Variants in KIAA1328 observed in about 807,000 individuals in gnomAD.
KIAA1328 encodes the protein protein hinderin.
A neutral mutation model predicts 68.1 loss-of-function variants in KIAA1328; 52 were observed. The ratio of observed to expected loss-of-function variants is 0.76; its 90% CI spans 0.61 to 0.96. The LOEUF is 0.96. KIAA1328 is among the 40% of genes least tolerant of loss of function. The pLI is 0.00. For synonymous variants in KIAA1328, 232 were observed against 239.4 expected, an observed-to-expected ratio of 0.97 and a Z score of 0.28; for missense variants, 641 against 677.6, an observed-to-expected ratio of 0.95 and a Z score of 0.60.
chr18:37,159,158 T>A (rs902912999), intron 7 of KIAA1328, among the ~76,000 whole-genome samples: 1 of 152,232 alleles, frequency 6.6e-6, no homozygotes, highest in African/African-American at 2.4e-5. Flanking sequence ...TAAAGCCATT[T>A]ACTTTCTTGG....
At chr18:37,027,243 T>C (rs535702416) in intron 6 of KIAA1328, among the ~76,000 whole-genome samples, 1 of 152,182 alleles carries the variant, frequency 6.6e-6, no homozygotes, top group East Asian at 1.9e-4. Flanking sequence ...GGAAGAACAT[T>C]CCATGCTCAT....
intron 5 of KIAA1328, among the ~76,000 whole-genome samples, chr18:36,922,769 AC>A (rs1357938034): frequency 6.6e-6 from 1 of 152,194 alleles, no homozygotes; most frequent in Non-Finnish European, 1.5e-5. Flanking sequence ...AATGGGGAAC[AC>A]AAGTGTTGAG....
At chr18:37,074,394 A>G (rs2056639577) in intron 7 of KIAA1328, among the ~76,000 whole-genome samples, 1 of 152,196 alleles carries the variant, frequency 6.6e-6, no homozygotes, top group Non-Finnish European at 1.5e-5. Context: ...GGTAGACAGA[A>G]GTGCAGCTAT....
At chr18:36,969,363 A>C (rs1331609033) in intron 6 of KIAA1328, among the ~76,000 whole-genome samples, 1 of 152,156 alleles carries the variant, frequency 6.6e-6, no homozygotes, top group Admixed American at 6.5e-5. Context: ...TCTTTTGAAA[A>C]AAATTAATAA....
chr18:36,830,062 A>G (rs928243008), intron 1 of KIAA1328, among the ~76,000 whole-genome samples: 1 of 152,256 alleles, frequency 6.6e-6, no homozygotes, highest in African/African-American at 2.4e-5. Context: ...GAGTGCTTGC[A>G]GAGGCAGCTC....
At position 37,148,221 on chromosome 18, in the gene KIAA1328, A is replaced by G. The variant is rs545706226; in HGVS notation, c.1233-11979A>G. Among the ~76,000 whole-genome samples the G allele has an allele frequency of 1.4e-4, 21 of 152,278 alleles. No individual in the cohort carries two copies. The South Asian group carries it at 2.1e-3, about 15-fold the overall frequency. ...TCAGCTCCCACTTATAAGTGAGAAC[A>G]TGCGGTATTTGGCTTTCTGTTCCTG... is the stretch of plus-strand genomic sequence containing the variant. On this transcript the variant is annotated intron_variant, in intron 7 of 9. Coordinates refer to ENST00000280020, the MANE Select transcript of KIAA1328 (RefSeq NM_020776.3).
At chr18:36,875,842 A>G (rs746253267) in intron 4 of KIAA1328, among the ~76,000 whole-genome samples, 1 of 152,166 alleles carries the variant, frequency 6.6e-6, no homozygotes, top group Non-Finnish European at 1.5e-5. Flanking sequence ...GATACATTCC[A>G]TCGGTACCTA....
chr18:36,839,011 G>C (rs953890229), intron 3 of KIAA1328, among the ~76,000 whole-genome samples: 1 of 152,172 alleles, frequency 6.6e-6, no homozygotes, highest in African/African-American at 2.4e-5. Context: ...GGGATTACAG[G>C]TGTGAGCCAC....
At chr18:36,931,791 T>C (rs1056676607) in intron 5 of KIAA1328, among the ~76,000 whole-genome samples, 1 of 151,802 alleles carries the variant, frequency 6.6e-6, no homozygotes, top group African/African-American at 2.4e-5. Flanking sequence ...GAATATATAC[T>C]GTGATGCAAA....
chr18:37,180,127 A>T (rs1295751914), intron 9 of KIAA1328, among the ~76,000 whole-genome samples: 6 of 152,014 alleles, frequency 3.9e-5, no homozygotes, highest in Non-Finnish European at 4.4e-5. Context: ...GGGAACAAAA[A>T]TATAATACTG....
intron 9 of KIAA1328, among the ~76,000 whole-genome samples, chr18:37,196,455 G>T (rs1367504352): frequency 6.6e-6 from 1 of 152,008 alleles, no homozygotes; most frequent in African/African-American, 2.4e-5. Context: ...TTAGTTTGAG[G>T]TATGTTTGAC....
intron 9 of KIAA1328, among the ~76,000 whole-genome samples, chr18:37,210,556 C>A (rs1372310182): frequency 1.3e-5 from 2 of 152,108 alleles, no homozygotes; most frequent in African/African-American, 4.8e-5. Flanking sequence ...CTTTATGGGT[C>A]TGGATAAGTT....
chr18:37,017,588 G>T (rs2054194991), intron 6 of KIAA1328, among the ~76,000 whole-genome samples: 1 of 152,218 alleles, frequency 6.6e-6, no homozygotes, highest in Admixed American at 6.5e-5. Flanking sequence ...ACTATTGTGT[G>T]ACTGTTTAAG....
intron 7 of KIAA1328, among the ~76,000 whole-genome samples, chr18:37,126,550 A>G (rs2058394569): frequency 6.6e-6 from 1 of 152,178 alleles, no homozygotes; most frequent in Non-Finnish European, 1.5e-5. Context: ...TTGAAGGAAC[A>G]TATAATAAAA....
intron 5 of KIAA1328, among the ~76,000 whole-genome samples, chr18:36,953,253 T>C (rs1342515292): frequency 6.8e-6 from 1 of 147,560 alleles, no homozygotes; most frequent in Admixed American, 6.8e-5. Flanking sequence ...ATATATAGTG[T>C]AATATTTAAT....
intron 6 of KIAA1328, among the ~76,000 whole-genome samples, chr18:37,061,753 T>A (rs1374063099): frequency 2.0e-5 from 3 of 152,224 alleles, no homozygotes; most frequent in Non-Finnish European, 2.9e-5. Flanking sequence ...TAATTTTTTA[T>A]ATTCAGATTC....
intron 9 of KIAA1328, among the ~76,000 whole-genome samples, chr18:37,191,190 A>G (rs2059898334): frequency 6.6e-6 from 1 of 152,318 alleles, no homozygotes; most frequent in African/African-American, 2.4e-5. Flanking sequence ...AAAGCCTATG[A>G]AAGGAAATAG....
intron 5 of KIAA1328, among the ~76,000 whole-genome samples, chr18:36,913,827 G>A (rs1160939742): frequency 6.6e-6 from 1 of 152,044 alleles, no homozygotes; most frequent in Non-Finnish European, 1.5e-5. Context: ...TTGACAAATG[G>A]TGTCAGAAGT....
At chr18:36,833,608 A>G (rs535928574) in intron 1 of KIAA1328, among the ~76,000 whole-genome samples, 2 of 152,340 alleles carry the variant, frequency 1.3e-5, no homozygotes, top group South Asian at 4.1e-4. Flanking sequence ...TTAAGGGAAC[A>G]TGCACAGAAG....
Sources: gnomAD v4.1 joint callset for allele counts (sites outside exome capture counted in the v4.1 genomes callset) on GRCh38, gnomAD v4.1.1 for gene constraint, MANE v1.5 for transcripts, NCBI Gene and HGNC (gene_info 2026-07-23, HGNC 2026-07-21) for gene names.